The following LRRC20 variants were observed in gnomAD, a reference collection of about 807,000 sequenced individuals.
LRRC20 encodes the protein leucine-rich repeat-containing protein 20.
LRRC20 carries 11 observed loss-of-function variants against 14.4 expected under a neutral mutation model. The ratio of observed to expected loss-of-function variants is 0.77; its 90% confidence interval spans 0.48 to 1.27. The LOEUF is 1.27. Ranked by LOEUF, LRRC20 falls within the 50% of genes most tolerant of loss-of-function variation. LRRC20 has a pLI of 0.00. For missense variants in LRRC20, 219 were observed against 251.2 expected, an observed-to-expected ratio of 0.87 and a Z score of 0.87; for synonymous variants, 121 against 107.3, an observed-to-expected ratio of 1.13 and a Z score of -0.79.
At chr10:70,350,776 ACTGGAGGAACT>A (rs1305544897) in intron 2 of LRRC20, among the ~76,000 whole-genome samples, 2 of 152,178 alleles carry the variant, frequency 1.3e-5, no homozygotes, top group Non-Finnish European at 2.9e-5. Flanking sequence ...TCCCAAGGCT[ACTGGAGGAACT>A]CTGTGGCCAG....
Position 70,340,664 on chromosome 10 carries a change from T to C in LRRC20, c.121A>G (p.Ile41Val). Residue 41 changes from isoleucine (I) to valine (V), a missense_variant, in exon 3 of 5, where the codon ATC (isoleucine) becomes GTC (valine). Transcript: ENST00000446961. ...ECKLVSFPIG[I>V]YKVLRNVSGQ... ...GAGACATTCCGCAGGACCTTGTAGA[T>C]GCCAATGGGAAAGGAGACCAGCTTG... The C allele has an allele frequency of 1.9e-6, 3 of 1,614,146 alleles. No individual in the cohort carries two copies. Among genetic ancestry groups the C allele is most frequent in the Non-Finnish European group, 1.7e-6 (2 of 1,180,024 alleles).
intron 3 of LRRC20, among the ~76,000 whole-genome samples, chr10:70,335,258 C>T (rs1285643553): frequency 2.6e-5 from 4 of 152,220 alleles, no homozygotes; most frequent in African/African-American, 9.6e-5. Context: ...TGGATGCTCC[C>T]CAACTACTCA....
At chr10:70,326,625 G>T (rs1186321182) in intron 3 of LRRC20, among the ~76,000 whole-genome samples, 1 of 152,234 alleles carries the variant, frequency 6.6e-6, no homozygotes, top group East Asian at 1.9e-4. Flanking sequence ...TGGCAGCCAG[G>T]TTCTTGAATA....
intron 4 of LRRC20, among the ~76,000 whole-genome samples, chr10:70,320,419 G>A (rs746530382): frequency 7.9e-5 from 12 of 152,166 alleles, no homozygotes; most frequent in Non-Finnish European, 1.3e-4. Flanking sequence ...ATGTGATGAT[G>A]TACTCTGACA....
At chr10:70,371,782 G>A (rs1051868486) in intron 2 of LRRC20, among the ~76,000 whole-genome samples, 2 of 152,164 alleles carry the variant, frequency 1.3e-5, no homozygotes, top group African/African-American at 4.8e-5. Context: ...AACTCAAGCT[G>A]AGGGCCTCCC....
Position 70,349,377 on chromosome 10 carries a change from A to G in LRRC20, c.83-8675T>C, listed in dbSNP as rs1422538846. ...TGGATCACCTGAGGTCAGGAGTTCGAGACCAGCCTGGCCAACATGTTAAAA... is the reference window on the plus strand; with the variant it reads ...TGGATCACCTGAGGTCAGGAGTTCGGGACCAGCCTGGCCAACATGTTAAAA... On this transcript the variant is annotated intron_variant, in intron 2 of 4. Coordinates refer to ENST00000446961, the MANE Select transcript of LRRC20 (RefSeq NM_001278212.2). Among the ~76,000 whole-genome samples the G allele has an allele frequency of 2.0e-5, 3 of 152,192 alleles. No individual in the cohort carries two copies. In the East Asian group the frequency reaches 5.8e-4, roughly 29 times the overall value.
At chr10:70,355,678 T>C (rs1044579114) in intron 2 of LRRC20, among the ~76,000 whole-genome samples, 1 of 152,206 alleles carries the variant, frequency 6.6e-6, no homozygotes, top group Non-Finnish European at 1.5e-5. Context: ...CTTAATGACT[T>C]CTTACAAATA....
intron 4 of LRRC20, among the ~76,000 whole-genome samples, chr10:70,304,470 T>TTATATAGATAGATATATATA (rs1554835659): frequency 8.8e-6 from 1 of 113,826 alleles, no homozygotes; most frequent in African/African-American, 3.0e-5. Flanking sequence ...GGCCACTTCT[T>TTATATAGATAGATATATATA]TATATATATA....
intron 4 of LRRC20, among the ~76,000 whole-genome samples, chr10:70,322,735 G>A (rs1056046727): frequency 3.3e-5 from 5 of 152,074 alleles, no homozygotes; most frequent in African/African-American, 1.2e-4. Flanking sequence ...TCCTATCCTG[G>A]CACCGCGGCA....
intron 2 of LRRC20, among the ~76,000 whole-genome samples, chr10:70,374,370 G>C (rs1554844903): frequency 7.4e-6 from 1 of 134,724 alleles, no homozygotes; most frequent in African/African-American, 2.8e-5. Flanking sequence ...TTTTTTTTGA[G>C]ATGGAACCTT....
At chr10:70,366,205 C>T (rs1843995447) in intron 2 of LRRC20, among the ~76,000 whole-genome samples, 1 of 151,714 alleles carries the variant, frequency 6.6e-6, no homozygotes, top group Non-Finnish European at 1.5e-5. Context: ...GGCAGATCAC[C>T]TGAGGTCAGG....
intron 2 of LRRC20, among the ~76,000 whole-genome samples, chr10:70,344,780 T>C (rs1396977160): frequency 6.6e-6 from 1 of 152,180 alleles, no homozygotes; most frequent in Non-Finnish European, 1.5e-5. Flanking sequence ...TTACTCAGGC[T>C]AGTCTTGAAT....
chr10:70,374,320 G>C (rs548103365), intron 2 of LRRC20, among the ~76,000 whole-genome samples: 1 of 150,090 alleles, frequency 6.7e-6, no homozygotes, highest in African/African-American at 2.4e-5. Flanking sequence ...TGAATGAAGT[G>C]GAGCTGCTGT....
rs151162797 is a variant in LRRC20, at chr10:70,302,465, G to T, written c.401-957C>A. On this transcript the variant is annotated intron_variant, in intron 4 of 4. Transcript: ENST00000446961. ...TTCCCAGGGGCTAGGAGAAGGGGAA[G>T]TAGGGATTTATTGCTTAATAGCTAC... Among the ~76,000 whole-genome samples, 1,321 of 152,346 alleles carry T rather than the reference G, an allele frequency of 8.7e-3. 15 individuals are homozygous for T. Among genetic ancestry groups the T allele is most frequent in the Non-Finnish European group, 0.014 (923 of 68,034 alleles).
chr10:70,362,109 C>T (rs1390852138), intron 2 of LRRC20, among the ~76,000 whole-genome samples: 2 of 152,206 alleles, frequency 1.3e-5, no homozygotes, highest in Non-Finnish European at 2.9e-5. Flanking sequence ...CACTTGAACC[C>T]AGGAGGCGGA....
chr10:70,337,390 C>T (rs115701109), intron 3 of LRRC20, among the ~76,000 whole-genome samples: 35 of 152,306 alleles, frequency 2.3e-4, no homozygotes, highest in African/African-American at 3.6e-4. Flanking sequence ...TCCCTCAATC[C>T]GCTGCCTCTG....
At chr10:70,317,974 C>T (rs1050222607) in intron 4 of LRRC20, among the ~76,000 whole-genome samples, 6 of 152,212 alleles carry the variant, frequency 3.9e-5, no homozygotes, top group South Asian at 4.1e-4. Flanking sequence ...GTGGGTCTAA[C>T]GGATGGGCAG....
rs55733521 is a variant in LRRC20 at position 70,306,102 on chromosome 10, GTC to G, written c.401-4596_401-4595del. 2.4e-3 allele frequency among the ~76,000 whole-genome samples: 354 copies of G among 144,558 alleles called. 1 individual carries two copies. Among genetic ancestry groups the G allele is most frequent in the South Asian group, 0.012 (56 of 4,538 alleles). 94.8% of individuals were successfully genotyped at this position (144,558 alleles called of 152,430 possible). A position where few individuals can be genotyped will look rare whatever the true frequency, so the allele number is the denominator to read the frequency against. On this transcript the variant is annotated intron_variant, in intron 4 of 4. Transcript: ENST00000446961. ...TCTATCATTTGTGCATGCATTTTCT[GTC>G]TCTCTCTCTCTCTCTCTCTCTCTCC... is the stretch of plus-strand genomic sequence containing the variant.
intron 2 of LRRC20, among the ~76,000 whole-genome samples, chr10:70,360,406 CCCT>C (rs1843680052): frequency 6.6e-6 from 1 of 151,304 alleles, no homozygotes; most frequent in African/African-American, 2.4e-5. Context: ...CTCCTCCTCC[CCCT>C]CCTCCTCTTC....
Sources: allele counts gnomAD v4.1 joint callset (sites outside exome capture counted in the v4.1 genomes callset), GRCh38; gene constraint gnomAD v4.1.1; transcripts MANE v1.5; gene names NCBI Gene and HGNC (gene_info 2026-07-23, HGNC 2026-07-21).